Variants in TOP6BL observed in about 807,000 individuals in gnomAD.
The protein encoded by TOP6BL is TOP6B like initiator of meiotic double strand breaks.
At chr11:66,781,115 G>C in the TOP6BL span, among the ~76,000 whole-genome samples, 2 of 151,948 alleles carry the variant, frequency 1.3e-5, no homozygotes, top group Non-Finnish European at 2.9e-5. Flanking sequence ...TTTTGTTCAT[G>C]GTTTTTTGAT....
At chr11:66,843,194 C>T in the TOP6BL span, 1 of 1,611,136 alleles carries the variant, frequency 6.2e-7, no homozygotes, top group African/African-American at 1.3e-5. Flanking sequence ...CAGGAGGTCT[C>T]CAACCTGTCA....
chr11:66,806,402 CAATAAT>C, the TOP6BL span, among the ~76,000 whole-genome samples: 1 of 152,028 alleles, frequency 6.6e-6, no homozygotes, highest in Non-Finnish European at 1.5e-5. Flanking sequence ...AATGAGTACT[CAATAAT>C]ATTAATAATT....
At chr11:66,835,609 G>C in the TOP6BL span, among the ~76,000 whole-genome samples, 1 of 152,282 alleles carries the variant, frequency 6.6e-6, no homozygotes, top group East Asian at 1.9e-4. Context: ...CCACTAGTAT[G>C]CTTCCCATCT....
the TOP6BL span, among the ~76,000 whole-genome samples, chr11:66,806,777 C>T: frequency 6.6e-6 from 1 of 151,980 alleles, no homozygotes; most frequent in African/African-American, 2.4e-5. Context: ...AAAGAGAGAA[C>T]AGAAGAGGCG....
chr11:66,774,485 G>A, the TOP6BL span, among the ~76,000 whole-genome samples: 2 of 151,904 alleles, frequency 1.3e-5, no homozygotes, highest in Non-Finnish European at 2.9e-5. Flanking sequence ...ACAAAGTCTC[G>A]CTGTGTCACC....
the TOP6BL span, among the ~76,000 whole-genome samples, chr11:66,823,388 T>C: frequency 6.6e-6 from 1 of 152,188 alleles, no homozygotes; most frequent in Admixed American, 6.5e-5. Context: ...TTACTTTATT[T>C]GCTCCACTGT....
At chr11:66,843,021 C>T in the TOP6BL span, 478 of 1,553,728 alleles carry the variant, frequency 3.1e-4, no homozygotes, top group African/African-American at 5.6e-3. Flanking sequence ...GCGAGGCTCA[C>T]GGCAGGGCCC....
the TOP6BL span, chr11:66,801,121 G>T: frequency 3.2e-5 from 52 of 1,605,082 alleles, no homozygotes; most frequent in Non-Finnish European, 4.1e-5. Context: ...GTAAAGCCTT[G>T]TTGTCCCTCT....
the TOP6BL span, among the ~76,000 whole-genome samples, chr11:66,790,192 C>T: frequency 6.6e-6 from 1 of 151,858 alleles, no homozygotes; most frequent in Non-Finnish European, 1.5e-5. Flanking sequence ...TGGTGTGAAC[C>T]CGGGAGGCGG....
At chr11:66,843,249 C>G in the TOP6BL span, 1 of 1,607,006 alleles carries the variant, frequency 6.2e-7, no homozygotes, top group African/African-American at 1.3e-5. Context: ...GGTCCCCTTC[C>G]GCAAGCGCCC....
chr11:66,759,654 G>A, the TOP6BL span, among the ~76,000 whole-genome samples: 1 of 152,124 alleles, frequency 6.6e-6, no homozygotes, highest in Admixed American at 6.5e-5. Flanking sequence ...TGCGATCTTG[G>A]CTCACTGCAA....
At chr11:66,791,698 A>G in the TOP6BL span, among the ~76,000 whole-genome samples, 1 of 152,182 alleles carries the variant, frequency 6.6e-6, no homozygotes, top group Non-Finnish European at 1.5e-5. Flanking sequence ...TATTTTTTTC[A>G]TAACAGTAAA....
chr11:66,745,307 G>C, the TOP6BL span, among the ~76,000 whole-genome samples: 1 of 148,026 alleles, frequency 6.8e-6, no homozygotes, highest in Non-Finnish European at 1.5e-5. Context: ...GGCGTTGCGG[G>C]GCGGGGTGGG....
the TOP6BL span, among the ~76,000 whole-genome samples, chr11:66,812,185 C>CT: frequency 4.3e-5 from 6 of 140,298 alleles, no homozygotes; most frequent in Non-Finnish European, 7.6e-5. Context: ...GAGTTTGCAT[C>CT]TTTTTTTTTG....
At chr11:66,843,273 C>T in the TOP6BL span, 2 of 1,601,776 alleles carry the variant, frequency 1.2e-6, no homozygotes, top group Non-Finnish European at 1.7e-6. Context: ...GATCCGGAGG[C>T]TGCGGGCAGC....
the TOP6BL span, among the ~76,000 whole-genome samples, chr11:66,785,566 G>T: frequency 6.6e-6 from 1 of 152,166 alleles, no homozygotes; most frequent in East Asian, 1.9e-4. Context: ...GAGTTGCTGA[G>T]CCTTAGCCTT....
At chr11:66,795,392 C>T in the TOP6BL span, among the ~76,000 whole-genome samples, 4 of 151,232 alleles carry the variant, frequency 2.6e-5, no homozygotes, top group East Asian at 2.0e-4. Context: ...ACCTCCACCT[C>T]CCAGGTTCAA....
the TOP6BL span, among the ~76,000 whole-genome samples, chr11:66,779,635 C>A: frequency 6.6e-6 from 1 of 152,082 alleles, no homozygotes; most frequent in African/African-American, 2.4e-5. Context: ...CTAGAAATAC[C>A]ATTTGACCCC....
At chr11:66,746,219 C>A in the TOP6BL span, among the ~76,000 whole-genome samples, 1 of 152,138 alleles carries the variant, frequency 6.6e-6, no homozygotes, top group Non-Finnish European at 1.5e-5. Flanking sequence ...TCCCAGATCT[C>A]CCTGCCTTTA....
Sources: allele counts gnomAD v4.1 joint callset (sites outside exome capture counted in the v4.1 genomes callset), GRCh38; gene constraint gnomAD v4.1.1; transcripts MANE v1.5; gene names NCBI Gene and HGNC (gene_info 2026-07-23, HGNC 2026-07-21).